The following PPM1D variants were observed in gnomAD, a reference collection of about 807,000 sequenced individuals.
The protein encoded by PPM1D is protein phosphatase, Mg2+/Mn2+ dependent 1D.
Under a neutral mutation model 58.3 loss-of-function variants are expected in PPM1D, and 52 were observed. The observed-to-expected ratio is 0.89, with a 90% confidence interval of 0.71 to 1.12. The LOEUF (loss-of-function observed/expected upper bound fraction) is 1.12, where lower values mean the gene tolerates loss of function less well. PPM1D is among the 50% of genes most tolerant of loss of function. The pLI is 0.00. For synonymous variants in PPM1D, 278 were observed against 285.1 expected (o/e 0.98, Z 0.25); for missense variants, 564 against 777.2 (o/e 0.73, Z 3.26).
At chr17:60,658,161 A>G (rs950082310) in intron 5 of PPM1D, among the ~76,000 whole-genome samples, 2 of 152,110 alleles carry the variant, frequency 1.3e-5, no homozygotes, top group Non-Finnish European at 2.9e-5. Context: ...ATATTTGCGT[A>G]TTTCTGAATA....
chr17:60,608,993 C>T (rs1347184854), intron 1 of PPM1D, among the ~76,000 whole-genome samples: 1 of 151,654 alleles, frequency 6.6e-6, no homozygotes, highest in Admixed American at 6.6e-5. Flanking sequence ...GTGATGTGCC[C>T]TCCTCGGCCT....
intron 3 of PPM1D, among the ~76,000 whole-genome samples, chr17:60,637,522 C>A (rs1245174528): frequency 6.6e-6 from 1 of 152,160 alleles, no homozygotes; most frequent in Non-Finnish European, 1.5e-5. Context: ...GGACACATTA[C>A]CCTTTCGGCA....
chr17:60,643,201 G>A (rs1192044753), intron 3 of PPM1D, among the ~76,000 whole-genome samples: 1 of 151,998 alleles, frequency 6.6e-6, no homozygotes, highest in African/African-American at 2.4e-5. Flanking sequence ...CCAATATGGC[G>A]AAACCCCATC....
chr17:60,646,620 CTT>C (rs1188369721), intron 3 of PPM1D, among the ~76,000 whole-genome samples: 15 of 152,166 alleles, frequency 9.9e-5, no homozygotes, highest in African/African-American at 3.4e-4. Context: ...TTTATGTTGT[CTT>C]ATATATTACA....
At chr17:60,657,081 T>G (rs1420153014) in intron 5 of PPM1D, 1 of 1,395,746 alleles carries the variant, frequency 7.2e-7, no homozygotes, top group Non-Finnish European at 9.3e-7. Context: ...GTTTGCCATC[T>G]AATGCTATGA....
chr17:60,651,859 A>G (rs2031349404), intron 4 of PPM1D, among the ~76,000 whole-genome samples: 1 of 152,222 alleles, frequency 6.6e-6, no homozygotes, highest in African/African-American at 2.4e-5. Flanking sequence ...TAGGAGGTTG[A>G]AAATAATAGA....
At chr17:60,634,587 C>G (rs906732697) in intron 3 of PPM1D, among the ~76,000 whole-genome samples, 2 of 152,002 alleles carry the variant, frequency 1.3e-5, no homozygotes, top group Non-Finnish European at 2.9e-5. Flanking sequence ...CTTAATAGTC[C>G]TCCTGAGAGC....
Position 60,600,764 on chromosome 17 carries a change from G to T in PPM1D, c.350G>T (p.Arg117Leu). The T allele has an allele frequency of 6.2e-7, 1 of 1,612,386 alleles. No homozygotes were observed. Among genetic ancestry groups the T allele is most frequent in the South Asian group, 1.1e-5 (1 of 91,076 alleles). ...GGGCGGGAGGCGGCACAGTTTGCCC[G>T]GGAGCACTTGTGGGGTTTCATCAAG... is the stretch of plus-strand genomic sequence containing the variant. ...HGGREAAQFA[R>L]EHLWGFIKKQ... Residue 117 changes from arginine to leucine, a missense_variant, in exon 1 of 6, where the codon CGG becomes CTG. Transcript: ENST00000305921.
At chr17:60,648,271 C>G (rs922453692) in intron 4 of PPM1D, among the ~76,000 whole-genome samples, 189 bp downstream of exon 4, 2 of 151,932 alleles carry the variant, frequency 1.3e-5, no homozygotes, top group Non-Finnish European at 2.9e-5. Context: ...AATATATAAC[C>G]GAAGTCTAAT....
intron 1 of PPM1D, among the ~76,000 whole-genome samples, chr17:60,606,505 C>G (rs2030332349): frequency 6.6e-6 from 1 of 152,206 alleles, no homozygotes; most frequent in Middle Eastern, 3.4e-3. Context: ...ATTTTACATT[C>G]CTACCAGCAA....
chr17:60,627,886 ATTT>A (rs994526232), intron 2 of PPM1D, among the ~76,000 whole-genome samples: 2 of 142,746 alleles, frequency 1.4e-5, no homozygotes, highest in Non-Finnish European at 1.5e-5. Context: ...TTGAATAGAA[ATTT>A]TTTTTTTTTT....
intron 4 of PPM1D, among the ~76,000 whole-genome samples, chr17:60,652,125 T>C (rs1252132540): frequency 9.9e-5 from 15 of 152,208 alleles, no homozygotes; most frequent in Non-Finnish European, 1.9e-4. Flanking sequence ...ATATTCTTTT[T>C]TTCCACCCTT....
chr17:60,642,042 C>T (rs958224493), intron 3 of PPM1D, among the ~76,000 whole-genome samples: 3 of 152,208 alleles, frequency 2.0e-5, no homozygotes, highest in Non-Finnish European at 2.9e-5. Flanking sequence ...TATGATCGTA[C>T]TTTGGTGTAC....
chr17:60,645,522 GTATA>G (rs200672148), intron 3 of PPM1D, among the ~76,000 whole-genome samples: 4 of 124,210 alleles, frequency 3.2e-5, no homozygotes, highest in African/African-American at 1.0e-4. Flanking sequence ...GTATATATAT[GTATA>G]TATATATGTG....
Position 60,600,681 on chromosome 17 carries a change from C to G in PPM1D, c.267C>G (p.Ser89Arg), listed in dbSNP as rs900654745. The G allele has an allele frequency of 2.5e-6, 4 of 1,577,878 alleles. No individual in the cohort carries two copies. Among genetic ancestry groups the G allele is most frequent in the Admixed American group, 3.7e-5 (2 of 54,056 alleles). ...LPDAGASPAP[S>R]RCCRRRSSVA... ...ACGCCGGGGCCTCGCCGGCACCTAG[C>G]CGCTGCTGCCGCCGCCGTTCCTCCG... is the stretch of plus-strand genomic sequence containing the variant. The change falls in exon 1 of 6, where the codon AGC (serine) becomes AGG (arginine). Residue 89 changes from serine (S) to arginine (R), a missense_variant. Transcript: ENST00000305921.
chr17:60,623,736 G>A lies in PPM1D; in HGVS notation c.688G>A (p.Gly230Arg). 1 of 1,613,990 alleles carries A rather than the reference G, an allele frequency of 6.2e-7. No homozygotes were observed. The highest frequency in any genetic ancestry group is 8.5e-7 in the Non-Finnish European group (1 of 1,179,894). The part of the protein sequence containing the change: ...ELPKERERIE[G>R]LGGSVMNKSG... The stretch of plus-strand genomic sequence containing the variant: ...TCCCAAGGAAAGAGAACGAATCGAA[G>A]GACTTGGTGGGAGGTAACATTCTGT... Residue 230 changes from glycine (G) to arginine (R), a missense_variant, in exon 2 of 6, where the codon GGA (glycine) becomes AGA (arginine). Gly to Arg is a moderately radical substitution (Grantham distance 125, BLOSUM62 -2). This residue lies in a region of PPM1D where 95 missense variants were observed against 232.6 expected (regional missense o/e 0.41). Coordinates refer to ENST00000305921, the MANE Select transcript of PPM1D (RefSeq NM_003620.4).
rs1421958284 is a variant in PPM1D, at chr17:60,663,542, G to A, written c.1808G>A (p.Cys603Tyr). The change falls in exon 6 of 6, where the codon TGT (cysteine) becomes TAT (tyrosine). Residue 603 changes from cysteine to tyrosine, a missense_variant. This residue lies in a region of PPM1D where 261 missense variants were observed against 270.1 expected (regional missense o/e 0.97). Transcript: ENST00000305921. Reference protein sequence around the residue: ...PLLHQHRKTVCVC With the variant: ...PLLHQHRKTVYVC Reference sequence around the variant, plus strand: ...CTTCATCAACACAGGAAAACTGTTTGTGTTTGCTGAAATGCATCTGGGAAA... The same window carrying A: ...CTTCATCAACACAGGAAAACTGTTTATGTTTGCTGAAATGCATCTGGGAAA... 4 of 1,606,006 alleles carry A rather than the reference G, an allele frequency of 2.5e-6. No homozygotes were observed. The highest frequency in any genetic ancestry group is 2.7e-5 in the African/African-American group (2 of 74,882).
intron 1 of PPM1D, among the ~76,000 whole-genome samples, chr17:60,603,183 C>CT (rs1483298765): frequency 6.6e-6 from 1 of 151,968 alleles, no homozygotes; most frequent in Non-Finnish European, 1.5e-5. Context: ...CTTTTTTCTA[C>CT]TTTTGTAGTG....
At position 60,656,813 on chromosome 17, in the gene PPM1D, C is replaced by G; in HGVS notation, c.1232C>G (p.Pro411Arg). 2 of 1,614,028 alleles carry G rather than the reference C, an allele frequency of 1.2e-6. No homozygotes were observed. Among genetic ancestry groups the G allele is most frequent in the Non-Finnish European group, 1.7e-6 (2 of 1,179,974 alleles). Residue 411 changes from proline to arginine, a missense_variant, in exon 5 of 6, where the codon CCT (proline) becomes CGT (arginine). This residue lies in a region of PPM1D where 261 missense variants were observed against 270.1 expected (regional missense o/e 0.97). Coordinates refer to ENST00000305921, the MANE Select transcript of PPM1D (RefSeq NM_003620.4). ...AGTCAAGAAACCTGTGTGATGACTC[C>G]TTCCCCATGTTCTACACCACCAGTC... ...YNSQETCVMT[P>R]SPCSTPPVKS...
Sources: allele counts gnomAD v4.1 joint callset (sites outside exome capture counted in the v4.1 genomes callset), GRCh38; gene constraint gnomAD v4.1.1; regional missense constraint gnomAD v4.1.1; transcripts MANE v1.5; gene names NCBI Gene and HGNC (gene_info 2026-07-23, HGNC 2026-07-21).